Variants in KBTBD12 observed in about 807,000 individuals in gnomAD.
The protein encoded by KBTBD12 is kelch repeat and BTB domain containing 12.
In KBTBD12, 53 loss-of-function variants were observed where a neutral mutation model predicts 58.7. The ratio of observed to expected loss-of-function variants is 0.90; its 90% CI spans 0.72 to 1.14. KBTBD12 has a LOEUF of 1.14. Ranked by LOEUF, KBTBD12 falls within the 50% of genes most tolerant of loss-of-function variation. The pLI is 0.00. For missense variants in KBTBD12, 704 were observed against 751.3 expected, an observed-to-expected ratio of 0.94 and a Z score of 0.74; for synonymous variants, 236 against 259.8, an observed-to-expected ratio of 0.91 and a Z score of 0.88.
chr3:127,957,669 G>GA (rs1277327111), intron 4 of KBTBD12, among the ~76,000 whole-genome samples: 2 of 151,930 alleles, frequency 1.3e-5, no homozygotes, highest in Non-Finnish European at 2.9e-5. Flanking sequence ...AAAAGTATAA[G>GA]AAAAAAAGAT....
intron 5 of KBTBD12, among the ~76,000 whole-genome samples, chr3:127,978,291 G>C (rs754396237): frequency 2.0e-5 from 3 of 152,154 alleles, no homozygotes; most frequent in Non-Finnish European, 4.4e-5. Context: ...GTTCTAGTCA[G>C]GATAGTCAAC....
At position 127,927,850 on chromosome 3, in the gene KBTBD12, AC is replaced by A; in HGVS notation, c.1159del (p.Leu387PhefsTer4). 1.2e-6 allele frequency: 2 copies of A among 1,611,828 alleles called. No individual in the cohort carries two copies. Among genetic ancestry groups the A allele is most frequent in the Non-Finnish European group, 1.7e-6 (2 of 1,178,360 alleles). Reference sequence around the variant, plus strand: ...TATGCTCTGGGCAGTATTCATAATGACCTTTATGTTATAGGAGGACAGATGA... The same window carrying A: ...TATGCTCTGGGCAGTATTCATAATGACTTTATGTTATAGGAGGACAGATGA... ...ELYALGSIHNDLYVIGGQMKI... is the reference protein window; with the variant it reads ...ELYALGSIHNXLYVIGGQMKI... On this transcript the variant is annotated frameshift_variant, in exon 3 of 6. Transcript: ENST00000405109. LOFTEE classifies it high-confidence loss of function.
chr3:127,974,502 G>A (rs1042813536), intron 5 of KBTBD12, among the ~76,000 whole-genome samples: 1 of 152,144 alleles, frequency 6.6e-6, no homozygotes, highest in Non-Finnish European at 1.5e-5. Flanking sequence ...TGAAGGGAAT[G>A]TCCTTCAACT....
At chr3:127,958,231 A>G (rs892842124) in intron 4 of KBTBD12, among the ~76,000 whole-genome samples, 1 of 152,092 alleles carries the variant, frequency 6.6e-6, no homozygotes, top group Admixed American at 6.5e-5. Flanking sequence ...CTGAGGAGGT[A>G]CAGTCAGCAG....
At chr3:127,957,516 T>A (rs1940342328) in intron 4 of KBTBD12, among the ~76,000 whole-genome samples, 1 of 152,178 alleles carries the variant, frequency 6.6e-6, no homozygotes, top group Non-Finnish European at 1.5e-5. Context: ...TTTCTCAGGA[T>A]CTGAGATTAG....
intron 4 of KBTBD12, among the ~76,000 whole-genome samples, chr3:127,935,214 C>T (rs1939801859): frequency 6.6e-6 from 1 of 151,970 alleles, no homozygotes; most frequent in Non-Finnish European, 1.5e-5. Context: ...TTGAAATGCC[C>T]AAACCATCAT....
chr3:127,923,439 C>A lies in KBTBD12; in HGVS notation c.378C>A (p.Asp126Glu). 1.2e-6 allele frequency: 2 copies of A among 1,612,112 alleles called. No homozygotes were observed. The highest frequency in any genetic ancestry group is 1.7e-6 in the Non-Finnish European group (2 of 1,179,700). ...GTGTGTGTCAAAAATATATGATGGA[C>A]CACATGGATGCCTCCAACTGTTTAG... The part of the protein sequence containing the change: ...VFSVCQKYMM[D>E]HMDASNCLGI... Residue 126 changes from aspartate (D) to glutamate (E), a missense_variant, in exon 2 of 6, where the codon GAC (aspartate) becomes GAA (glutamate). Coordinates refer to ENST00000405109, the MANE Select transcript of KBTBD12 (RefSeq NM_207335.4).
At chr3:127,970,792 A>C (rs11711693) in intron 5 of KBTBD12, among the ~76,000 whole-genome samples, 23,083 of 152,204 alleles carry the variant, frequency 0.15, 1,968 homozygotes, top group South Asian at 0.32. Context: ...GAAAGGGTGA[A>C]TGGGTAGTGA....
intron 3 of KBTBD12, among the ~76,000 whole-genome samples, chr3:127,928,901 T>C (rs1939637286): frequency 6.6e-6 from 1 of 152,362 alleles, no homozygotes; most frequent in East Asian, 1.9e-4. Flanking sequence ...CATACCTGTT[T>C]TAAAAACTTA....
intron 2 of KBTBD12, among the ~76,000 whole-genome samples, chr3:127,926,583 T>C (rs1402390676): frequency 6.6e-6 from 1 of 152,190 alleles, no homozygotes; most frequent in African/African-American, 2.4e-5. Context: ...GCATGCCTTC[T>C]AACTGCCCTG....
chr3:127,927,493 G>C (rs1939600644), intron 2 of KBTBD12, among the ~76,000 whole-genome samples: 1 of 151,764 alleles, frequency 6.6e-6, no homozygotes, highest in Non-Finnish European at 1.5e-5. Context: ...GAAAATGAAG[G>C]CTACTCCTGG....
intron 5 of KBTBD12, among the ~76,000 whole-genome samples, chr3:127,978,180 C>T (rs184610591): frequency 1.3e-5 from 2 of 152,220 alleles, no homozygotes; most frequent in South Asian, 2.1e-4. Flanking sequence ...TGTTCCATTA[C>T]GACCTCTGTT....
chr3:127,970,021 G>A (rs1474688603), intron 5 of KBTBD12, among the ~76,000 whole-genome samples: 1 of 152,104 alleles, frequency 6.6e-6, no homozygotes, highest in Non-Finnish European at 1.5e-5. Context: ...ACAACCCACA[G>A]GATGAGAGAC....
intron 4 of KBTBD12, among the ~76,000 whole-genome samples, chr3:127,951,117 C>A (rs771408480): frequency 1.3e-5 from 2 of 152,174 alleles, no homozygotes; most frequent in Non-Finnish European, 2.9e-5. Context: ...GGTTGAGTTA[C>A]TTTAACGTTT....
intron 5 of KBTBD12, among the ~76,000 whole-genome samples, chr3:127,967,917 G>C (rs1940607843): frequency 6.6e-6 from 1 of 152,096 alleles, no homozygotes; most frequent in South Asian, 2.1e-4. Context: ...AAGCATCTTT[G>C]ATAGCATACA....
At chr3:127,925,253 CCACAGGAGCAGCCTT>C (rs1939540968) in intron 2 of KBTBD12, among the ~76,000 whole-genome samples, 1 of 152,100 alleles carries the variant, frequency 6.6e-6, no homozygotes, top group Non-Finnish European at 1.5e-5. Context: ...TGTCCCTGAG[CCACAGGAGCAGCCTT>C]CTTCAGAATT....
chr3:127,919,611 C>T (rs1939347959), intron 1 of KBTBD12, among the ~76,000 whole-genome samples: 1 of 152,174 alleles, frequency 6.6e-6, no homozygotes, highest in African/African-American at 2.4e-5. Context: ...CAGGCGGATG[C>T]CAGCGATATT....
chr3:127,946,873 A>G (rs113331130), intron 4 of KBTBD12, among the ~76,000 whole-genome samples: 19 of 152,236 alleles, frequency 1.2e-4, no homozygotes, highest in African/African-American at 3.4e-4. Context: ...CTTCAAGTTC[A>G]CTTATCCTGT....
At chr3:127,932,609 G>C (rs947036031) in intron 4 of KBTBD12, among the ~76,000 whole-genome samples, 39 of 152,124 alleles carry the variant, frequency 2.6e-4, no homozygotes, top group Non-Finnish European at 1.8e-4. Flanking sequence ...CACCAGGAAG[G>C]CAGCATGGTA....
Sources: gnomAD v4.1 joint callset for allele counts (sites outside exome capture counted in the v4.1 genomes callset) on GRCh38, gnomAD v4.1.1 for gene constraint, MANE v1.5 for transcripts, NCBI Gene and HGNC (gene_info 2026-07-23, HGNC 2026-07-21) for gene names.